Variants in HCN2 observed in about 807,000 individuals in gnomAD.
HCN2 encodes potassium/sodium hyperpolarization-activated cyclic nucleotide-gated channel 2.
A neutral mutation model predicts 52.3 loss-of-function variants in HCN2; 20 were observed. The observed-to-expected ratio is 0.38, with a 90% CI of 0.27 to 0.56. The LOEUF (loss-of-function observed/expected upper bound fraction) is 0.56, where lower values mean the gene tolerates loss of function less well. Ranked by LOEUF, HCN2 falls within the 20% of genes least tolerant of loss-of-function variation. HCN2 has a pLI of 0.71. For synonymous variants in HCN2, 694 were observed against 537.0 expected (o/e 1.29, Z -4.04); for missense variants, 981 against 1,207.7 (o/e 0.81, Z 2.78).
intron 1 of HCN2, among the ~76,000 whole-genome samples, chr19:595,383 A>G (rs1051605857): frequency 6.7e-5 from 10 of 149,688 alleles, no homozygotes; most frequent in Admixed American, 6.0e-4. Context: ...GGCTGTCAGC[A>G]TGGGCCTCTC....
At chr19:600,282 C>T (rs1983161683) in intron 1 of HCN2, among the ~76,000 whole-genome samples, 1 of 152,226 alleles carries the variant, frequency 6.6e-6, no homozygotes, top group Non-Finnish European at 1.5e-5. Context: ...AAACAATTCA[C>T]CTGCTTCAGC....
chr19:615,859 C>G lies in HCN2; in HGVS notation c.2055C>G (p.Asn685Lys), dbSNP rs764410361. The G allele has an allele frequency of 5.6e-6, 9 of 1,613,134 alleles. No individual in the cohort carries two copies. In the Admixed American group the frequency reaches 8.3e-5, roughly 15 times the overall value. ...QHDLNSGVFN[N>K]QENAIIQEIV... ...ACCTCAACTCGGGCGTATTCAACAA[C>G]CAGGAGAACGCCATCATCCAGGAGA... is the stretch of plus-strand genomic sequence containing the variant. Residue 685 changes from asparagine to lysine, a missense_variant, in exon 8 of 8, where the codon AAC becomes AAG. By Grantham distance (94) the Asn-to-Lys change is moderately conservative. This residue lies in a region of HCN2 where 368 missense variants were observed against 314.8 expected (regional missense o/e 1.17). Coordinates refer to ENST00000251287, the MANE Select transcript of HCN2 (RefSeq NM_001194.4).
intron 1 of HCN2, among the ~76,000 whole-genome samples, chr19:593,536 C>T (rs1474677589): frequency 1.3e-5 from 2 of 152,174 alleles, no homozygotes; most frequent in African/African-American, 2.4e-5. Flanking sequence ...AGGAGAATCA[C>T]TTGAATCCAG....
At chr19:604,742 A>G (rs1415976505) in intron 2 of HCN2, among the ~76,000 whole-genome samples, 2 of 60,806 alleles carry the variant, frequency 3.3e-5, no homozygotes, top group South Asian at 1.3e-3. Context: ...TGGGGATATG[A>G]GGGTTGTGCT....
In HCN2 at chr19:610,806, T is replaced by C. The variant is rs546328444; in HGVS notation, c.1584+401T>C. 1.1e-4 allele frequency among the ~76,000 whole-genome samples: 16 copies of C among 152,208 alleles called. No individual in the cohort carries two copies. The South Asian group carries it at 3.3e-3, about 32-fold the overall frequency. ...GTGACCCTGGGCAAGTTTCCCAGGG[T>C]TGCGGGAACAAATACCCACAGGCTG... On this transcript the variant is annotated intron_variant, in intron 5 of 7. Coordinates refer to ENST00000251287, the MANE Select transcript of HCN2 (RefSeq NM_001194.4).
At chr19:615,716 C>T (rs892434527) in intron 7 of HCN2, 79 bp from the exon 8 acceptor site, 5 of 1,413,336 alleles carry the variant, frequency 3.5e-6, no homozygotes, top group East Asian at 2.3e-5. Flanking sequence ...TGCGCACCCG[C>T]GGTGCAGAGT....
chr19:610,509 C>T (rs1026306358), intron 5 of HCN2, 104 bp downstream of exon 5: 6 of 1,027,058 alleles, frequency 5.8e-6, no homozygotes, highest in Admixed American at 2.0e-5. Context: ...GGTGCCTAGG[C>T]TGCAGCAGGA....
intron 1 of HCN2, among the ~76,000 whole-genome samples, chr19:601,658 G>C (rs1447699258): frequency 6.6e-6 from 1 of 152,170 alleles, no homozygotes; most frequent in Non-Finnish European, 1.5e-5. Context: ...TCGGGGCAGG[G>C]AGAGGCTGGT....
At position 590,012 on chromosome 19, in the gene HCN2, C is replaced by G; in HGVS notation, c.67C>G (p.Pro23Ala). Reference protein sequence around the residue: ...SPGATPAPGPPPPPPPAPPQQ... With the variant: ...SPGATPAPGPAPPPPPAPPQQ... Reference sequence around the variant, plus strand: ...GGGCGCGACCCCCGCGCCGGGGCCGCCGCCGCCGCCGCCGCCCGCGCCCCC... The same window carrying G: ...GGGCGCGACCCCCGCGCCGGGGCCGGCGCCGCCGCCGCCGCCCGCGCCCCC... Residue 23 changes from proline (P) to alanine (A), a missense_variant, in exon 1 of 8, where the codon CCG becomes GCG. Around this residue, in one of 6 missense-constraint regions of HCN2, gnomAD observed 215 missense variants for 179.4 expected, o/e 1.20. Transcript: ENST00000251287. The surrounding 1 kb of genome is among the most constrained non-coding windows in gnomAD (Gnocchi z 7.2). The G allele has an allele frequency of 1.7e-6, 1 of 586,344 alleles. No individual in the cohort carries two copies. The highest frequency in any genetic ancestry group is 9.7e-4 in the Middle Eastern group (1 of 1,030). 36.3% of individuals were successfully genotyped at this position (586,344 alleles called of 1,614,324 possible). A position where few individuals can be genotyped will look rare whatever the true frequency, so the allele number is the denominator to read the frequency against.
At chr19:598,423 C>T (rs1374115412) in intron 1 of HCN2, among the ~76,000 whole-genome samples, 2 of 152,110 alleles carry the variant, frequency 1.3e-5, no homozygotes, top group South Asian at 2.1e-4. Flanking sequence ...CCTCCTACCT[C>T]AGCCTCCCAA....
At chr19:594,520 G>A (rs541842949) in intron 1 of HCN2, among the ~76,000 whole-genome samples, 12 of 152,306 alleles carry the variant, frequency 7.9e-5, no homozygotes, top group African/African-American at 2.4e-4. Context: ...TGGGGTCCCC[G>A]AGAGGACTGG....
At chr19:598,425 G>A (rs1408546924) in intron 1 of HCN2, among the ~76,000 whole-genome samples, 3 of 151,802 alleles carry the variant, frequency 2.0e-5, no homozygotes, top group Admixed American at 2.0e-4. Flanking sequence ...TCCTACCTCA[G>A]CCTCCCAAGT....
chr19:605,249 G>C, intron 3 of HCN2, 27 bp downstream of exon 3: 1 of 1,606,348 alleles, frequency 6.2e-7, no homozygotes, highest in African/African-American at 1.3e-5. Context: ...CTGACGGAGG[G>C]GGAGACGCAG....
chr19:615,436 C>A (rs1189187656), intron 7 of HCN2, among the ~76,000 whole-genome samples: 2 of 152,192 alleles, frequency 1.3e-5, no homozygotes, highest in African/African-American at 2.4e-5. Context: ...ATGGTGTGAA[C>A]CCGGGAGGTG....
chr19:590,616 C>A lies in HCN2; in HGVS notation c.632+39C>A, dbSNP rs753534522. ...GAGGGCCGGTCGGCGCGAGGGGGCC[C>A]GGGGAGCCGGGCGCGCGGGGAGCCG... is the stretch of plus-strand genomic sequence containing the variant. On this transcript the variant is annotated intron_variant, in intron 1 of 7. Transcript: ENST00000251287. The surrounding 1 kb of genome is among the most constrained non-coding windows in gnomAD (Gnocchi z 7.2). 7.7e-7 allele frequency: 1 copy of A among 1,304,154 alleles called. No individual in the cohort carries two copies. The highest frequency in any genetic ancestry group is 3.1e-5 in the East Asian group (1 of 32,130). The allele number at this position is 1,304,154 out of a possible 1,614,324, so 80.8% of individuals were successfully genotyped here. A position where few individuals can be genotyped will look rare whatever the true frequency, so the allele number is the denominator to read the frequency against.
In HCN2 at chr19:605,220, G is replaced by C; in HGVS notation, c.1216G>C (p.Val406Leu). The change falls in exon 3 of 8, where the codon GTG becomes CTG. Residue 406 changes from valine (V) to leucine (L), a missense_variant and splice_region_variant. Val to Leu is a conservative substitution (Grantham distance 32, BLOSUM62 1). Transcript: ENST00000251287. ...CTGCTGGGTGTCCATCAATGGCATG[G>C]TGGTGAGCGCCGCGGGCCCTGACGG... ...RNCWVSINGM[V>L]NHSWSELYSF... 1.2e-6 allele frequency: 2 copies of C among 1,610,258 alleles called. No individual in the cohort carries two copies. Among genetic ancestry groups the C allele is most frequent in the Non-Finnish European group, 1.7e-6 (2 of 1,179,302 alleles).
chr19:597,050 G>C (rs1568361754), intron 1 of HCN2, among the ~76,000 whole-genome samples: 1 of 152,208 alleles, frequency 6.6e-6, no homozygotes, highest in Admixed American at 6.5e-5. Context: ...TGACGACGAG[G>C]GTTGCGGCCC....
At chr19:613,187 A>C in intron 5 of HCN2, 61 bp from the exon 6 acceptor site, 2 of 1,540,030 alleles carry the variant, frequency 1.3e-6, no homozygotes, top group Non-Finnish European at 1.8e-6. Context: ...TCCCAGAGGC[A>C]GGGCGAGGGG....
At chr19:610,617 C>A (rs1266683903) in intron 5 of HCN2, among the ~76,000 whole-genome samples, 1 of 152,188 alleles carries the variant, frequency 6.6e-6, no homozygotes, top group Non-Finnish European at 1.5e-5. Flanking sequence ...CTTCCCGCTG[C>A]CCCCTTAGCA....
Sources: allele counts gnomAD v4.1 joint callset (sites outside exome capture counted in the v4.1 genomes callset), GRCh38; gene constraint gnomAD v4.1.1; regional missense constraint gnomAD v4.1.1; non-coding constraint Gnocchi (gnomAD v3.1); transcripts MANE v1.5; gene names NCBI Gene and HGNC (gene_info 2026-07-23, HGNC 2026-07-21).